Variants in CSMD3 observed in about 807,000 individuals in gnomAD.
CSMD3 encodes CUB and sushi domain-containing protein 3.
A neutral mutation model predicts 435.2 loss-of-function variants in CSMD3; 177 were observed. The ratio of observed to expected loss-of-function variants is 0.41; its 90% CI spans 0.36 to 0.46. The LOEUF is 0.46. Ranked by LOEUF, CSMD3 falls within the 20% of genes least tolerant of loss-of-function variation. The pLI is 0.34. For missense variants in CSMD3, 4,265 were observed against 4,504.6 expected, an observed-to-expected ratio of 0.95 and a Z score of 1.52; for synonymous variants, 1,656 against 1,520.5, an observed-to-expected ratio of 1.09 and a Z score of -2.07.
At chr8:113,070,497 A>C (rs868578412) in intron 5 of CSMD3, among the ~76,000 whole-genome samples, 3 of 151,992 alleles carry the variant, frequency 2.0e-5, no homozygotes, top group Admixed American at 6.6e-5. Flanking sequence ...ATTGTAGTGA[A>C]TATACAGTAC....
At chr8:112,802,123 A>AAT (rs781288252) in intron 12 of CSMD3, among the ~76,000 whole-genome samples, 94 of 151,818 alleles carry the variant, frequency 6.2e-4, no homozygotes, top group Non-Finnish European at 1.2e-3. Flanking sequence ...ATAATAATAA[A>AAT]ATATATATAT....
intron 59 of CSMD3, among the ~76,000 whole-genome samples, chr8:112,279,013 A>AAACAACAACAAC (rs200149218): frequency 8.4e-6 from 1 of 119,122 alleles, no homozygotes; most frequent in Non-Finnish European, 2.0e-5. Context: ...CACCCCCAAA[A>AAACAACAACAAC]AACAACAACA....
chr8:112,457,863 C>A (rs1816998885), intron 32 of CSMD3, among the ~76,000 whole-genome samples: 1 of 151,870 alleles, frequency 6.6e-6, no homozygotes, highest in Non-Finnish European at 1.5e-5. Flanking sequence ...CACATTTTTT[C>A]CAAGAATGGA....
At chr8:112,319,860 C>A (rs760586434) in intron 46 of CSMD3, 41 bp downstream of exon 46, 1 of 1,389,546 alleles carries the variant, frequency 7.2e-7, no homozygotes, top group South Asian at 1.2e-5. Flanking sequence ...AATAGTTCTG[C>A]CAGCAGTATG....
At chr8:112,452,113 T>G (rs1816353185) in intron 32 of CSMD3, among the ~76,000 whole-genome samples, 1 of 152,024 alleles carries the variant, frequency 6.6e-6, no homozygotes, top group Admixed American at 6.6e-5. Flanking sequence ...GAAAGTGAGG[T>G]TTTACAATCT....
At chr8:113,013,365 T>C (rs2086329802) in intron 6 of CSMD3, among the ~76,000 whole-genome samples, 1 of 152,114 alleles carries the variant, frequency 6.6e-6, no homozygotes, top group Admixed American at 6.6e-5. Flanking sequence ...ATAGTTAGAA[T>C]GTGTGCTTTC....
rs149574856 is a variant in CSMD3, at chr8:113,102,359, T to A, written c.710-3396A>T. Among the ~76,000 whole-genome samples, 711 of 152,256 alleles carry A rather than the reference T, an allele frequency of 4.7e-3. 5 individuals are homozygous for A. Among genetic ancestry groups the A allele is most frequent in the African/African-American group, 0.015 (621 of 41,564 alleles). ...GAAACAAAATTTATTCATTTTGTCA[T>A]CTGTCCAAAAAGTATTCATTGAGAT... On this transcript the variant is annotated intron_variant, in intron 4 of 70. Coordinates refer to ENST00000297405, the MANE Select transcript of CSMD3 (RefSeq NM_198123.2).
chr8:113,160,175 T>C (rs1478664712), intron 4 of CSMD3, among the ~76,000 whole-genome samples: 1 of 152,000 alleles, frequency 6.6e-6, no homozygotes, highest in African/African-American at 2.4e-5. Context: ...TTTATATGTA[T>C]GTATGACTTT....
At chr8:112,265,653 G>A in intron 59 of CSMD3, 63 bp from the exon 60 acceptor site, 1 of 1,095,208 alleles carries the variant, frequency 9.1e-7, no homozygotes. Context: ...GAGAGGAGTA[G>A]TAAGCATATG....
intron 2 of CSMD3, among the ~76,000 whole-genome samples, chr8:113,279,480 T>C (rs779860873): frequency 4.6e-5 from 7 of 151,638 alleles, no homozygotes; most frequent in Non-Finnish European, 8.9e-5. Flanking sequence ...AAATAATATT[T>C]GAAGCAATAT....
chr8:113,385,120 G>A (rs767236082), intron 1 of CSMD3, among the ~76,000 whole-genome samples: 21 of 152,056 alleles, frequency 1.4e-4, no homozygotes, highest in Non-Finnish European at 2.8e-4. Flanking sequence ...TCAATTACCA[G>A]GAGTCAATTT....
intron 32 of CSMD3, among the ~76,000 whole-genome samples, chr8:112,428,585 T>C (rs1813325110): frequency 6.6e-6 from 1 of 152,144 alleles, no homozygotes; most frequent in Non-Finnish European, 1.5e-5. Context: ...CTTCAAAAAT[T>C]TCACAGGCTA....
intron 16 of CSMD3, among the ~76,000 whole-genome samples, chr8:112,680,706 C>CATTA (rs1300454625): frequency 6.6e-6 from 1 of 152,070 alleles, no homozygotes; most frequent in Non-Finnish European, 1.5e-5. Context: ...AGAAGGAAAG[C>CATTA]ATTAATTGAA....
intron 8 of CSMD3, among the ~76,000 whole-genome samples, chr8:112,948,522 A>G (rs865775491): frequency 2.0e-5 from 3 of 152,158 alleles, no homozygotes; most frequent in Middle Eastern, 6.8e-3. Flanking sequence ...TCTTCAAAGC[A>G]GAAAGTCAAA....
At chr8:112,311,816 T>C (rs1278961336) in intron 49 of CSMD3, among the ~76,000 whole-genome samples, 1 of 152,218 alleles carries the variant, frequency 6.6e-6, no homozygotes, top group Non-Finnish European at 1.5e-5. Context: ...ATATTCAGCA[T>C]GGCAGGTCCC....
intron 7 of CSMD3, among the ~76,000 whole-genome samples, chr8:112,964,481 C>T (rs939749020): frequency 1.3e-5 from 2 of 151,800 alleles, no homozygotes; most frequent in Non-Finnish European, 2.9e-5. Flanking sequence ...AGTATAACCC[C>T]GTGGCCTGAA....
intron 23 of CSMD3, among the ~76,000 whole-genome samples, chr8:112,573,924 T>C (rs1829735043): frequency 1.3e-5 from 2 of 151,974 alleles, no homozygotes; most frequent in Non-Finnish European, 2.9e-5. Flanking sequence ...ATTTTAAAAA[T>C]GCTTTTTCTG....
chr8:113,419,768 A>AT (rs894364967), intron 1 of CSMD3, among the ~76,000 whole-genome samples: 3 of 151,684 alleles, frequency 2.0e-5, no homozygotes, highest in African/African-American at 7.3e-5. Flanking sequence ...TATTAGAATT[A>AT]TTTTTTTGCC....
intron 59 of CSMD3, among the ~76,000 whole-genome samples, chr8:112,273,880 A>T (rs1394588245): frequency 6.6e-6 from 1 of 151,748 alleles, no homozygotes; most frequent in Non-Finnish European, 1.5e-5. Context: ...TGAGATAAAC[A>T]GACCCAGTCA....
Sources: allele counts gnomAD v4.1 joint callset (sites outside exome capture counted in the v4.1 genomes callset), GRCh38; gene constraint gnomAD v4.1.1; transcripts MANE v1.5; gene names NCBI Gene and HGNC (gene_info 2026-07-23, HGNC 2026-07-21).